RIMS2: variants seen among roughly 807,000 people sequenced by gnomAD.
RIMS2 encodes regulating synaptic membrane exocytosis 2.
A neutral mutation model predicts 174.4 loss-of-function variants in RIMS2; 59 were observed. That is an observed-to-expected ratio of 0.34 (90% CI 0.27 to 0.42). The LOEUF is 0.42. Ranked by LOEUF, RIMS2 falls within the 10% of genes least tolerant of loss-of-function variation. RIMS2 has a pLI of 1.00. For synonymous variants in RIMS2, 606 were observed against 572.5 expected (o/e 1.06, Z -0.84); for missense variants, 1,620 against 1,666.3 (o/e 0.97, Z 0.48).
At chr8:103,749,741 A>G (rs2097862626) in intron 2 of RIMS2, among the ~76,000 whole-genome samples, 1 of 152,122 alleles carries the variant, frequency 6.6e-6, no homozygotes, top group African/African-American at 2.4e-5. Context: ...GCTTATTTTC[A>G]GGCCTTTTTT....
intron 19 of RIMS2, among the ~76,000 whole-genome samples, chr8:104,239,125 G>A (rs1396254389): frequency 6.6e-6 from 1 of 152,218 alleles, no homozygotes; most frequent in East Asian, 1.9e-4. Flanking sequence ...TGCATTGTAA[G>A]CCCTGCCTTG....
intron 3 of RIMS2, among the ~76,000 whole-genome samples, chr8:103,843,786 A>G (rs1719470073): frequency 6.6e-6 from 1 of 152,062 alleles, no homozygotes. Context: ...TGTCTTTTTT[A>G]TCGTCTTTTA....
At position 104,221,778 on chromosome 8, in the gene RIMS2, T is replaced by C. The variant is rs187799543; in HGVS notation, c.3335-23138T>C. Reference sequence around the variant, plus strand: ...CTAATTTTAAGTGTATTTAAAAGGATTATTACTTGTATGCATTTTTCATAC... The same window carrying C: ...CTAATTTTAAGTGTATTTAAAAGGACTATTACTTGTATGCATTTTTCATAC... On this transcript the variant is annotated intron_variant, in intron 19 of 23. Coordinates refer to ENST00000504942, the Ensembl canonical transcript of RIMS2. Among the ~76,000 whole-genome samples the C allele has an allele frequency of 3.5e-3, 537 of 152,330 alleles. 1 individual carries two copies. The highest frequency in any genetic ancestry group is 6.5e-3 in the Non-Finnish European group (444 of 68,022).
intron 2 of RIMS2, among the ~76,000 whole-genome samples, chr8:103,702,362 T>C (rs2097176554): frequency 6.6e-6 from 1 of 152,178 alleles, no homozygotes; most frequent in African/African-American, 2.4e-5. Context: ...AATTTGTAAA[T>C]ATTTTCTTTC....
downstream of RIMS2, chr8:104,252,098 G>A (rs2140334933): frequency 2.2e-6 from 1 of 455,278 alleles, no homozygotes; most frequent in East Asian, 3.6e-5. Context: ...TAATCTCAAA[G>A]AATCAGTCAG....
chr8:104,029,486 TATCA>T (rs2096338695), intron 19 of RIMS2, among the ~76,000 whole-genome samples: 1 of 152,214 alleles, frequency 6.6e-6, no homozygotes, highest in African/African-American at 2.4e-5. Context: ...TTACCTTTTC[TATCA>T]ATCATTGATA....
intron 2 of RIMS2, among the ~76,000 whole-genome samples, chr8:103,707,029 T>G (rs2097240005): frequency 6.6e-6 from 1 of 152,152 alleles, no homozygotes; most frequent in South Asian, 2.1e-4. Flanking sequence ...TGTCTTCGAG[T>G]TACTGATTCT....
chr8:104,125,278 G>A (rs990458935), intron 19 of RIMS2, among the ~76,000 whole-genome samples: 3 of 152,150 alleles, frequency 2.0e-5, no homozygotes, highest in Non-Finnish European at 4.4e-5. Flanking sequence ...TGTATTTTAA[G>A]AAAGCTTCAC....
At chr8:103,826,632 G>C (rs1275921503) in intron 3 of RIMS2, among the ~76,000 whole-genome samples, 1 of 150,582 alleles carries the variant, frequency 6.6e-6, no homozygotes, top group East Asian at 1.9e-4. Context: ...CTCCACCTTT[G>C]TTCTTTTTGT....
rs1271901678 is a variant in RIMS2, at chr8:103,881,565, CAT to C, written c.699-3731_699-3730del. ...CCCATCAGTCAGTATGCTTTTTGGA[CAT>C]AGAATTTAAGGAGTCTAATTGGTAG... On this transcript the variant is annotated intron_variant, in intron 3 of 23. Coordinates refer to ENST00000504942, the Ensembl canonical transcript of RIMS2. Among the ~76,000 whole-genome samples, 4 of 151,520 alleles carry C rather than the reference CAT, an allele frequency of 2.6e-5. No homozygotes were observed. The East Asian group carries it at 5.8e-4, about 22-fold the overall frequency.
At chr8:104,213,234 C>T (rs2099113462) in intron 19 of RIMS2, among the ~76,000 whole-genome samples, 1 of 152,100 alleles carries the variant, frequency 6.6e-6, no homozygotes, top group African/African-American at 2.4e-5. Context: ...ATTGCCCGAA[C>T]TGGAAGGCAG....
intron 1 of RIMS2, among the ~76,000 whole-genome samples, chr8:103,644,245 G>C (rs1446179693): frequency 6.6e-6 from 1 of 152,128 alleles, no homozygotes; most frequent in Non-Finnish European, 1.5e-5. Context: ...GCAGACCTCT[G>C]CTCCTGGACA....
At chr8:104,088,799 T>C (rs981329340) in intron 19 of RIMS2, among the ~76,000 whole-genome samples, 2 of 151,954 alleles carry the variant, frequency 1.3e-5, no homozygotes, top group Non-Finnish European at 2.9e-5. Flanking sequence ...ATTTTAGAAA[T>C]TGTAATTTAT....
At chr8:103,777,226 G>T (rs532595169) in intron 3 of RIMS2, among the ~76,000 whole-genome samples, 5 of 151,738 alleles carry the variant, frequency 3.3e-5, no homozygotes, top group Non-Finnish European at 5.9e-5. Flanking sequence ...AAAGGAGAAA[G>T]AATTATAAGA....
intron 19 of RIMS2, among the ~76,000 whole-genome samples, chr8:104,099,186 C>T (rs557060550): frequency 4.6e-5 from 7 of 152,266 alleles, no homozygotes; most frequent in Non-Finnish European, 7.4e-5. Flanking sequence ...TAAGTTTCTA[C>T]TATTTGGCAG....
At chr8:104,014,278 G>A (rs576074723) in intron 18 of RIMS2, among the ~76,000 whole-genome samples, 41 of 152,054 alleles carry the variant, frequency 2.7e-4, no homozygotes, top group Non-Finnish European at 1.9e-4. Flanking sequence ...TGTTACTGTA[G>A]GGTTTTGTGT....
At chr8:103,621,289 G>A (rs189621311) in intron 1 of RIMS2, among the ~76,000 whole-genome samples, 1 of 152,172 alleles carries the variant, frequency 6.6e-6, no homozygotes, top group African/African-American at 2.4e-5. Context: ...ATAACCTGAC[G>A]TGCCCACCCT....
At chr8:104,221,494 AGTCTCTG>A in intron 19 of RIMS2, among the ~76,000 whole-genome samples, 1 of 152,204 alleles carries the variant, frequency 6.6e-6, no homozygotes, top group Non-Finnish European at 1.5e-5. Flanking sequence ...AAAATTTTCT[AGTCTCTG>A]AATAAAAGTG....
intron 17 of RIMS2, 119 bp downstream of exon 19, chr8:103,989,540 C>G: frequency 1.8e-6 from 1 of 563,234 alleles, no homozygotes; most frequent in South Asian, 2.7e-5. Context: ...CAATGTTTTT[C>G]TCTTACAACG....
Sources: allele counts gnomAD v4.1 joint callset (sites outside exome capture counted in the v4.1 genomes callset), GRCh38; gene constraint gnomAD v4.1.1; transcripts MANE v1.5; gene names NCBI Gene and HGNC (gene_info 2026-07-23, HGNC 2026-07-21).